MAP3K7CL: variants seen among roughly 807,000 people sequenced by gnomAD.
MAP3K7CL encodes MAP3K7 C-terminal like.
Under a neutral mutation model 18.6 loss-of-function variants are expected in MAP3K7CL, and 16 were observed. The observed-to-expected ratio is 0.86, with a 90% CI of 0.58 to 1.31. MAP3K7CL has a LOEUF of 1.31. MAP3K7CL is among the 50% of genes most tolerant of loss of function. MAP3K7CL has a pLI of 0.00. For synonymous variants in MAP3K7CL, 65 were observed against 66.8 expected, an observed-to-expected ratio of 0.97 and a Z score of 0.13; for missense variants, 163 against 174.4, an observed-to-expected ratio of 0.93 and a Z score of 0.37.
intron 4 of MAP3K7CL, among the ~76,000 whole-genome samples, chr21:29,162,612 G>C (rs2087578154): frequency 6.6e-6 from 1 of 151,522 alleles, no homozygotes; most frequent in South Asian, 2.1e-4. Context: ...GAACCCAGGA[G>C]GTGAAGGTTA....
chr21:29,089,851 T>TGAGAGGGAGGGAGGAAGGGAA (rs148311225), intron 1 of MAP3K7CL, among the ~76,000 whole-genome samples: 3 of 117,972 alleles, frequency 2.5e-5, no homozygotes, highest in Non-Finnish European at 5.2e-5. Flanking sequence ...GAGGGAAGGA[T>TGAGAGGGAGGGAGGAAGGGAA]GAGAGGGAGG....
chr21:29,156,286 A>G (rs2087402684), intron 3 of MAP3K7CL, among the ~76,000 whole-genome samples: 1 of 152,240 alleles, frequency 6.6e-6, no homozygotes, highest in Non-Finnish European at 1.5e-5. Context: ...GAGAACTGAA[A>G]TAGTGTTTCT....
intron 4 of MAP3K7CL, among the ~76,000 whole-genome samples, chr21:29,119,714 G>A (rs2086561818): frequency 6.7e-6 from 1 of 150,030 alleles, no homozygotes; most frequent in Non-Finnish European, 1.5e-5. Context: ...CCAGGCTGGA[G>A]TACAGTGACA....
At chr21:29,149,346 G>A in intron 3 of MAP3K7CL, 96 bp downstream of exon 3, 2 of 1,069,016 alleles carry the variant, frequency 1.9e-6, no homozygotes, top group Non-Finnish European at 2.9e-6. Flanking sequence ...AGACTGACTT[G>A]GACCCAGAAT....
chr21:29,169,787 C>G (rs773859800), intron 4 of MAP3K7CL, among the ~76,000 whole-genome samples: 1 of 152,144 alleles, frequency 6.6e-6, no homozygotes, highest in African/African-American at 2.4e-5. Context: ...TTTTCTTAAC[C>G]AATTGACTTG....
At chr21:29,099,105 T>G (rs906393623) in intron 4 of MAP3K7CL, among the ~76,000 whole-genome samples, 1 of 151,986 alleles carries the variant, frequency 6.6e-6, no homozygotes, top group Non-Finnish European at 1.5e-5. Context: ...TTTTCTTTTC[T>G]TTTTGAGACA....
intron 2 of MAP3K7CL, among the ~76,000 whole-genome samples, chr21:29,147,595 T>G (rs1344581419): frequency 6.6e-6 from 1 of 151,856 alleles, no homozygotes; most frequent in East Asian, 1.9e-4. Context: ...GTATCTGTAC[T>G]GTATGTATAT....
intron 4 of MAP3K7CL, among the ~76,000 whole-genome samples, chr21:29,174,195 G>A (rs1340433918): frequency 2.0e-5 from 3 of 152,156 alleles, no homozygotes; most frequent in Admixed American, 6.5e-5. Flanking sequence ...GTAAGGATTA[G>A]GGAAAGACAT....
At chr21:29,099,858 C>T (rs1050795193) in intron 4 of MAP3K7CL, among the ~76,000 whole-genome samples, 4 of 151,636 alleles carry the variant, frequency 2.6e-5, no homozygotes, top group African/African-American at 4.9e-5. Flanking sequence ...CCGAGGCGGG[C>T]GGATCACGAG....
intron 3 of MAP3K7CL, among the ~76,000 whole-genome samples, chr21:29,154,408 C>T (rs1318176737): frequency 6.7e-6 from 1 of 149,838 alleles, no homozygotes; most frequent in Non-Finnish European, 1.5e-5. Context: ...TTTTTTTTAA[C>T]CAAATTGAGC....
intron 4 of MAP3K7CL, among the ~76,000 whole-genome samples, chr21:29,115,587 C>T (rs527644393): frequency 6.6e-6 from 1 of 152,148 alleles, no homozygotes; most frequent in Non-Finnish European, 1.5e-5. Flanking sequence ...GGTTATTTGA[C>T]CTCCCTTTAC....
intron 2 of MAP3K7CL, chr21:29,091,626 C>A (rs1373733150): frequency 1.4e-6 from 1 of 701,302 alleles, no homozygotes; most frequent in South Asian, 1.5e-5. Context: ...CAGGCGTGCA[C>A]CACCACATCC....
At chr21:29,145,226 A>AATGTACTTG (rs1028718082) in intron 2 of MAP3K7CL, among the ~76,000 whole-genome samples, 1 of 152,070 alleles carries the variant, frequency 6.6e-6, no homozygotes, top group African/African-American at 2.4e-5. Flanking sequence ...TTTTAATAAA[A>AATGTACTTG]ATGTACTTGT....
chr21:29,143,285 A>G (rs1857930010), intron 2 of MAP3K7CL, among the ~76,000 whole-genome samples: 1 of 152,128 alleles, frequency 6.6e-6, no homozygotes, highest in South Asian at 2.1e-4. Context: ...AACTGCAGGA[A>G]ATGTCAACAA....
intron 4 of MAP3K7CL, among the ~76,000 whole-genome samples, chr21:29,115,556 C>G (rs905823275): frequency 2.5e-4 from 38 of 152,194 alleles, no homozygotes; most frequent in African/African-American, 8.9e-4. Flanking sequence ...TCAAAAATGA[C>G]TAGCTTTTTG....
rs767408353 is a variant in MAP3K7CL at position 29,159,901 on chromosome 21, T to C, written c.133-40T>C. On this transcript the variant is annotated intron_variant, in intron 3 of 4. Coordinates refer to ENST00000399928, the MANE Select transcript of MAP3K7CL (RefSeq NM_001286620.2). ...CAAAATGGTTGGTAATTTATCCTGA[T>C]GCAAAGAAATGGACTAATTTCTTCT... 48 of 1,514,396 alleles carry C rather than the reference T, an allele frequency of 3.2e-5. No homozygotes were observed. The East Asian group carries it at 4.3e-4, about 14-fold the overall frequency. 93.8% of individuals were successfully genotyped at this position (1,514,396 alleles called of 1,614,324 possible).
At chr21:29,086,330 CTATG>C (rs1457140842) in intron 1 of MAP3K7CL, among the ~76,000 whole-genome samples, 1 of 152,178 alleles carries the variant, frequency 6.6e-6, no homozygotes, top group Non-Finnish European at 1.5e-5. Flanking sequence ...ATTGGCACAT[CTATG>C]TGAGTTCCAG....
At chr21:29,153,036 C>T (rs2087314049) in intron 3 of MAP3K7CL, among the ~76,000 whole-genome samples, 1 of 151,988 alleles carries the variant, frequency 6.6e-6, no homozygotes, top group Non-Finnish European at 1.5e-5. Context: ...CTAATTTGAC[C>T]CCCAGGATTT....
At chr21:29,140,783 T>TTA (rs1301502845) in intron 2 of MAP3K7CL, among the ~76,000 whole-genome samples, 1 of 152,162 alleles carries the variant, frequency 6.6e-6, no homozygotes, top group African/African-American at 2.4e-5. Context: ...GTTTGCTCAT[T>TTA]TATTTCTTTA....
Sources: gnomAD v4.1 joint callset for allele counts (sites outside exome capture counted in the v4.1 genomes callset) on GRCh38, gnomAD v4.1.1 for gene constraint, MANE v1.5 for transcripts, NCBI Gene and HGNC (gene_info 2026-07-23, HGNC 2026-07-21) for gene names.